Variants in OTOGL observed in about 807,000 individuals in gnomAD.
OTOGL encodes otogelin-like protein.
OTOGL carries 285 observed loss-of-function variants against 318.5 expected under a neutral mutation model. The ratio of observed to expected loss-of-function variants is 0.89; its 90% CI spans 0.81 to 0.99. The LOEUF is 0.99. OTOGL is among the 50% of genes least tolerant of loss of function. OTOGL has a pLI of 0.00. For synonymous variants in OTOGL, 987 were observed against 936.5 expected, an observed-to-expected ratio of 1.05 and a Z score of -0.99; for missense variants, 2,899 against 2,845.6, an observed-to-expected ratio of 1.02 and a Z score of -0.43.
At chr12:80,371,916 G>T in intron 56 of OTOGL, 103 bp from the exon 57 acceptor site, 3 of 596,516 alleles carry the variant, frequency 5.0e-6, no homozygotes, top group Non-Finnish European at 7.9e-6. Flanking sequence ...AGGCTTTGTG[G>T]TATTTGATAA....
chr12:80,106,060 T>C (rs1214055487), intron 1 of OTOGL, among the ~76,000 whole-genome samples: 2 of 152,204 alleles, frequency 1.3e-5, no homozygotes, highest in African/African-American at 4.8e-5. Flanking sequence ...TCTACAAGGA[T>C]GAGTGGGCAC....
At chr12:80,208,546 G>T (rs759483179) in intron 1 of OTOGL, among the ~76,000 whole-genome samples, 6 of 152,284 alleles carry the variant, frequency 3.9e-5, no homozygotes, top group Admixed American at 6.5e-5. Context: ...TTTCACTAAG[G>T]TGTGGGGCTC....
intron 26 of OTOGL, among the ~76,000 whole-genome samples, chr12:80,288,748 T>G (rs1237168278): frequency 6.6e-6 from 1 of 151,986 alleles, no homozygotes. Flanking sequence ...CTCCACCAGG[T>G]CATTTATGTT....
chr12:80,218,335 A>G (rs911282689), intron 5 of OTOGL, among the ~76,000 whole-genome samples: 1 of 152,234 alleles, frequency 6.6e-6, no homozygotes, highest in Non-Finnish European at 1.5e-5. Flanking sequence ...CACTGAAGAT[A>G]TAGTTGGAGA....
intron 37 of OTOGL, among the ~76,000 whole-genome samples, chr12:80,330,665 C>T (rs1259429004): frequency 1.3e-5 from 2 of 152,128 alleles, no homozygotes; most frequent in Non-Finnish European, 2.9e-5. Flanking sequence ...TATTTCATTA[C>T]TCTCAAAGAT....
Position 80,377,891 on chromosome 12 carries a change from T to C in OTOGL, c.6905T>C (p.Ile2302Thr), listed in dbSNP as rs1393249230. 2 of 1,611,910 alleles carry C rather than the reference T, an allele frequency of 1.2e-6. No individual in the cohort carries two copies. Among genetic ancestry groups the C allele is most frequent in the Admixed American group, 1.7e-5 (1 of 59,732 alleles). The change falls in exon 59 of 59, where the codon ATA becomes ACA. Residue 2302 changes from isoleucine (I) to threonine (T), a missense_variant. Ile to Thr is a moderately conservative substitution (Grantham distance 89, BLOSUM62 -1). This residue lies in a region of OTOGL where 289 missense variants were observed against 304.6 expected (regional missense o/e 0.95). Coordinates refer to ENST00000547103, the MANE Select transcript of OTOGL (RefSeq NM_001378609.3). ...SCDGKCPSATIYNINIESHLR... is the reference protein window; with the variant it reads ...SCDGKCPSATTYNINIESHLR... ...GACGGCAAATGCCCATCAGCTACCA[T>C]ATATAACATCAATATTGAAAGTCAC...
At chr12:80,259,081 T>C (rs1882306368) in intron 18 of OTOGL, among the ~76,000 whole-genome samples, 1 of 151,802 alleles carries the variant, frequency 6.6e-6, no homozygotes, top group African/African-American at 2.4e-5. Flanking sequence ...TATATAATTT[T>C]TTTTAGCTAT....
At chr12:80,189,378 A>T in intron 1 of OTOGL, 2 of 953,936 alleles carry the variant, frequency 2.1e-6, no homozygotes, top group Non-Finnish European at 2.5e-6. Flanking sequence ...AGTAAAACAA[A>T]GAGAATCCAG....
chr12:80,335,647 G>A (rs949895319), intron 38 of OTOGL, among the ~76,000 whole-genome samples: 3 of 151,818 alleles, frequency 2.0e-5, no homozygotes, highest in Non-Finnish European at 2.9e-5. Flanking sequence ...TAATGTGAAG[G>A]GTCAGCTGTC....
intron 14 of OTOGL, 58 bp from the exon 15 acceptor site, chr12:80,254,466 C>A: frequency 7.2e-7 from 1 of 1,385,660 alleles, no homozygotes; most frequent in Non-Finnish European, 1.0e-6. Context: ...TACATTGATG[C>A]AAACATTAAT....
intron 22 of OTOGL, among the ~76,000 whole-genome samples, chr12:80,268,017 G>A (rs1235037270): frequency 2.0e-5 from 3 of 151,784 alleles, no homozygotes; most frequent in African/African-American, 7.3e-5. Context: ...GTCCTGCACA[G>A]TAGTAAGTGT....
At chr12:80,257,362 T>C (rs1201941648) in intron 17 of OTOGL, among the ~76,000 whole-genome samples, 1 of 150,938 alleles carries the variant, frequency 6.6e-6, no homozygotes. Context: ...ACTTTGAGAG[T>C]TGCTAGACAG....
intron 1 of OTOGL, among the ~76,000 whole-genome samples, chr12:80,151,369 C>A (rs1284088166): frequency 1.3e-5 from 2 of 152,182 alleles, no homozygotes; most frequent in African/African-American, 4.8e-5. Flanking sequence ...ACCACACAAT[C>A]TAAAGTACTT....
At chr12:80,166,134 T>C (rs1208709788) in intron 1 of OTOGL, among the ~76,000 whole-genome samples, 1 of 152,022 alleles carries the variant, frequency 6.6e-6, no homozygotes, top group Non-Finnish European at 1.5e-5. Flanking sequence ...TCTGAGATAT[T>C]AAAGATAGCA....
At chr12:80,224,186 T>A (rs1481512865) in intron 7 of OTOGL, among the ~76,000 whole-genome samples, 1 of 152,178 alleles carries the variant, frequency 6.6e-6, no homozygotes, top group African/African-American at 2.4e-5. Flanking sequence ...GAATAGGATG[T>A]CCTTTCCCCA....
chr12:80,361,407 A>G (rs1229639711), intron 52 of OTOGL, among the ~76,000 whole-genome samples: 1 of 150,904 alleles, frequency 6.6e-6, no homozygotes, highest in Non-Finnish European at 1.5e-5. Flanking sequence ...GGTTGATTCC[A>G]TATCTTGGCT....
intron 1 of OTOGL, among the ~76,000 whole-genome samples, chr12:80,150,604 A>C (rs2137168049): frequency 6.6e-6 from 1 of 152,352 alleles, no homozygotes; most frequent in South Asian, 2.1e-4. Flanking sequence ...GGAGCAAAGA[A>C]AACTCAAAAG....
intron 1 of OTOGL, among the ~76,000 whole-genome samples, chr12:80,140,961 AC>A (rs2137140620): frequency 6.6e-6 from 1 of 152,300 alleles, no homozygotes; most frequent in Admixed American, 6.5e-5. Flanking sequence ...TACCAAATAT[AC>A]CTTCAGAAAA....
intron 7 of OTOGL, among the ~76,000 whole-genome samples, chr12:80,228,297 G>T (rs1879056459): frequency 6.6e-6 from 1 of 151,748 alleles, no homozygotes. Flanking sequence ...AGAAAAATTA[G>T]CCGGTTTGGT....
Sources: allele counts gnomAD v4.1 joint callset (sites outside exome capture counted in the v4.1 genomes callset), GRCh38; gene constraint gnomAD v4.1.1; regional missense constraint gnomAD v4.1.1; transcripts MANE v1.5; gene names NCBI Gene and HGNC (gene_info 2026-07-23, HGNC 2026-07-21).